Variants in TSPAN9 observed in about 807,000 individuals in gnomAD.
TSPAN9 encodes tetraspanin-9.
In TSPAN9, 16 loss-of-function variants were observed where a neutral mutation model predicts 31.0. The ratio of observed to expected loss-of-function variants is 0.52; its 90% CI spans 0.35 to 0.78. The LOEUF is 0.78. Ranked by LOEUF, TSPAN9 falls within the 30% of genes least tolerant of loss-of-function variation. The pLI is 0.01. For synonymous variants in TSPAN9, 145 were observed against 121.6 expected (o/e 1.19, Z -1.27); for missense variants, 272 against 312.5 (o/e 0.87, Z 0.98).
intron 2 of TSPAN9, among the ~76,000 whole-genome samples, chr12:3,111,741 G>A (rs1328724761): frequency 1.3e-5 from 2 of 151,720 alleles, no homozygotes; most frequent in Admixed American, 1.3e-4. Flanking sequence ...AGCCTCCTGA[G>A]TAGCTGGAAT....
chr12:3,251,590 C>T (rs574954797), intron 3 of TSPAN9, among the ~76,000 whole-genome samples: 19 of 151,882 alleles, frequency 1.3e-4, no homozygotes, highest in East Asian at 9.6e-4. Flanking sequence ...AGATAACCAC[C>T]GTTCTGCTTC....
chr12:3,146,392 G>C (rs1221709070), intron 2 of TSPAN9, among the ~76,000 whole-genome samples: 1 of 152,122 alleles, frequency 6.6e-6, no homozygotes, highest in Non-Finnish European at 1.5e-5. Context: ...ATAGTCCCCT[G>C]ACAGTTTGGT....
At chr12:3,250,806 G>A (rs1862233217) in intron 3 of TSPAN9, among the ~76,000 whole-genome samples, 1 of 152,230 alleles carries the variant, frequency 6.6e-6, no homozygotes, top group Non-Finnish European at 1.5e-5. Context: ...GTGACTGTTG[G>A]CTGCCAGGCC....
rs955016223 is a variant in TSPAN9 at position 3,205,720 on chromosome 12, C to CA, written c.63+4464_63+4465insA. Among the ~76,000 whole-genome samples, 10 of 48,334 alleles carry CA rather than the reference C, an allele frequency of 2.1e-4. No homozygotes were observed. The East Asian group carries it at 7.4e-3, about 36-fold the overall frequency. 31.7% of individuals were successfully genotyped at this position (48,334 alleles called of 152,430 possible). On this transcript the variant is annotated intron_variant, in intron 3 of 8. Transcript: ENST00000011898. ...CCTGGGCAGCAAGAGGCACTTAGGC[C>CA]CCCCCCCCCCAGAGTGCTCAGGTGT...
chr12:3,229,151 C>T (rs2098389349), intron 3 of TSPAN9, among the ~76,000 whole-genome samples: 1 of 152,184 alleles, frequency 6.6e-6, no homozygotes, highest in South Asian at 2.1e-4. Context: ...TTGGAGCCAC[C>T]ATTCAACCCA....
chr12:3,156,888 CCAGGG>C (rs2098342530), intron 2 of TSPAN9, among the ~76,000 whole-genome samples: 1 of 152,006 alleles, frequency 6.6e-6, no homozygotes, highest in Non-Finnish European at 1.5e-5. Flanking sequence ...GGAGAAGGGC[CCAGGG>C]CAGGGGGCAA....
At chr12:3,157,354 G>A (rs560118822) in intron 2 of TSPAN9, among the ~76,000 whole-genome samples, 2 of 152,234 alleles carry the variant, frequency 1.3e-5, no homozygotes, top group East Asian at 3.9e-4. Flanking sequence ...CCCCACCTCG[G>A]CCTCCCAAAG....
At chr12:3,180,069 G>T (rs1039283415) in intron 2 of TSPAN9, among the ~76,000 whole-genome samples, 1 of 152,138 alleles carries the variant, frequency 6.6e-6, no homozygotes, top group Admixed American at 6.5e-5. Flanking sequence ...AGACTTGTGG[G>T]CCATTCGTGT....
chr12:3,282,994 A>G (rs767917213), intron 8 of TSPAN9, 51 bp from the exon 9 acceptor site: 3 of 1,588,804 alleles, frequency 1.9e-6, no homozygotes, highest in South Asian at 1.1e-5. Flanking sequence ...GGCTGAGGTC[A>G]GGTCCAGGCT....
intron 2 of TSPAN9, among the ~76,000 whole-genome samples, chr12:3,157,244 T>C (rs1326362756): frequency 6.6e-6 from 1 of 151,944 alleles, no homozygotes; most frequent in African/African-American, 2.4e-5. Flanking sequence ...GGACTACGGG[T>C]GCCCGCCACC....
At chr12:3,243,535 C>T (rs988959597) in intron 3 of TSPAN9, among the ~76,000 whole-genome samples, 2 of 152,224 alleles carry the variant, frequency 1.3e-5, no homozygotes, top group African/African-American at 4.8e-5. Context: ...AAGCCCTGAG[C>T]CCAGGAGATA....
At chr12:3,204,339 C>T (rs2098373735) in intron 3 of TSPAN9, among the ~76,000 whole-genome samples, 1 of 152,176 alleles carries the variant, frequency 6.6e-6, no homozygotes, top group Admixed American at 6.5e-5. Context: ...ACACTGCAAC[C>T]CTTCAGAGGC....
At chr12:3,233,915 A>G (rs189543529) in intron 3 of TSPAN9, among the ~76,000 whole-genome samples, 92 of 152,260 alleles carry the variant, frequency 6.0e-4, no homozygotes, top group African/African-American at 2.2e-3. Context: ...TCTGCAGGGA[A>G]TATTTCCCAA....
chr12:3,164,808 G>A (rs1384390215), intron 2 of TSPAN9, among the ~76,000 whole-genome samples: 4 of 152,212 alleles, frequency 2.6e-5, no homozygotes, highest in African/African-American at 4.8e-5. Context: ...GTGGCATTTC[G>A]GATGGCAAGG....
At position 3,273,776 on chromosome 12, in the gene TSPAN9, G is replaced by A. The variant is rs752301530; in HGVS notation, c.64-4645G>A. 7.2e-5 allele frequency among the ~76,000 whole-genome samples: 11 copies of A among 152,178 alleles called. No individual in the cohort carries two copies. In the East Asian group the frequency reaches 1.2e-3, roughly 16 times the overall value. On this transcript the variant is annotated intron_variant, in intron 3 of 8. Transcript: ENST00000011898. ...TCAGAGGTCAGCTTCCTGACTTCCT[G>A]CCCTCCTGCCTGTGCGGGGCAGGCC...
At chr12:3,134,654 G>A (rs1208039037) in intron 2 of TSPAN9, among the ~76,000 whole-genome samples, 2 of 152,154 alleles carry the variant, frequency 1.3e-5, no homozygotes, top group African/African-American at 4.8e-5. Context: ...TGGCATGGCC[G>A]ATGGCTGTTT....
At chr12:3,122,925 C>A (rs1348089013) in intron 2 of TSPAN9, among the ~76,000 whole-genome samples, 8 of 152,160 alleles carry the variant, frequency 5.3e-5, no homozygotes, top group African/African-American at 1.9e-4. Flanking sequence ...GCGTTTTGCC[C>A]CAGGCACTTG....
chr12:3,267,061 C>T (rs1323734946), intron 3 of TSPAN9, among the ~76,000 whole-genome samples: 2 of 152,292 alleles, frequency 1.3e-5, no homozygotes, highest in East Asian at 3.9e-4. Context: ...GCAGCTCTGC[C>T]GAACGAGAGG....
intron 2 of TSPAN9, among the ~76,000 whole-genome samples, chr12:3,177,665 T>C (rs1452940748): frequency 2.6e-5 from 4 of 152,180 alleles, no homozygotes; most frequent in African/African-American, 9.7e-5. Context: ...ACTTCTGACC[T>C]CAGGTGATTT....
Sources: allele counts gnomAD v4.1 joint callset (sites outside exome capture counted in the v4.1 genomes callset), GRCh38; gene constraint gnomAD v4.1.1; transcripts MANE v1.5; gene names NCBI Gene and HGNC (gene_info 2026-07-23, HGNC 2026-07-21).